Variants in CUX1 observed in about 807,000 individuals in gnomAD.
CUX1 encodes the protein protein CASP.
In CUX1, 31 loss-of-function variants were observed where a neutral mutation model predicts 158.8. That is an observed-to-expected ratio of 0.20 (90% confidence interval 0.15 to 0.26). CUX1 has a LOEUF of 0.26. CUX1 is among the 10% of genes least tolerant of loss of function. The pLI, the probability that CUX1 is intolerant of heterozygous loss-of-function variation, is 1.00. For missense variants in CUX1, 1,589 were observed against 2,014.6 expected, an observed-to-expected ratio of 0.79 and a Z score of 4.04; for synonymous variants, 879 against 862.1, an observed-to-expected ratio of 1.02 and a Z score of -0.34.
chr7:102,210,567 T>TA (rs1554522867), intron 20 of CUX1, among the ~76,000 whole-genome samples: 2 of 152,236 alleles, frequency 1.3e-5, no homozygotes, highest in East Asian at 3.8e-4. Flanking sequence ...AACAAGCTGT[T>TA]ACGTCTGCAT....
chr7:102,062,793 A>G (rs929568243), intron 3 of CUX1, among the ~76,000 whole-genome samples: 2 of 151,714 alleles, frequency 1.3e-5, no homozygotes, highest in Admixed American at 6.6e-5. Context: ...GAGCCACTGC[A>G]CTACACATTT....
At chr7:102,180,629 A>C (rs1166867555) in intron 11 of CUX1, among the ~76,000 whole-genome samples, 1 of 137,728 alleles carries the variant, frequency 7.3e-6, no homozygotes, top group Non-Finnish European at 1.6e-5. Flanking sequence ...ACCTGGCCCA[A>C]TGTCTTTTTT....
intron 12 of CUX1, among the ~76,000 whole-genome samples, chr7:102,193,073 A>G (rs1794447450): frequency 6.6e-6 from 1 of 152,176 alleles, no homozygotes; most frequent in African/African-American, 2.4e-5. Flanking sequence ...GGCTGCAGAG[A>G]AGGTCTGCCC....
intron 3 of CUX1, among the ~76,000 whole-genome samples, chr7:102,040,470 T>C (rs921463378): frequency 1.3e-5 from 2 of 152,146 alleles, no homozygotes; most frequent in Admixed American, 1.3e-4. Context: ...TTAAGTCTCT[T>C]TGTAGGGACC....
At position 101,997,501 on chromosome 7, in the gene CUX1, G is replaced by A. The variant is rs183880144; in HGVS notation, c.142-30597G>A. On this transcript the variant is annotated intron_variant, in intron 2 of 23. Transcript: ENST00000292535. ...TGGGATTACAGGTGCCCACCACCAC[G>A]CCTGGCTACTTTTTGTATTTTTAGT... is the stretch of plus-strand genomic sequence containing the variant. Among the ~76,000 whole-genome samples, 519 of 151,452 alleles carry A rather than the reference G, an allele frequency of 3.4e-3. 9 individuals carry two copies. Among genetic ancestry groups the A allele is most frequent in the African/African-American group, 0.012 (489 of 40,856 alleles).
intron 2 of CUX1, among the ~76,000 whole-genome samples, chr7:102,022,600 C>T (rs1290979425): frequency 7.2e-6 from 1 of 138,968 alleles, no homozygotes; most frequent in African/African-American, 2.7e-5. Context: ...CCTGGAAGAG[C>T]GAGACACTGT....
In CUX1 at chr7:102,196,621, C is replaced by T; in HGVS notation, c.1223-13C>T. 1 of 1,518,576 alleles carries T rather than the reference C, an allele frequency of 6.6e-7. No individual in the cohort carries two copies. Among genetic ancestry groups the T allele is most frequent in the Non-Finnish European group, 8.8e-7 (1 of 1,134,108 alleles). The allele number at this position is 1,518,576 out of a possible 1,614,324, so 94.1% of individuals were successfully genotyped here. A position where few individuals can be genotyped will look rare whatever the true frequency, so the allele number is the denominator to read the frequency against. On this transcript the variant is annotated splice_polypyrimidine_tract_variant and intron_variant, in intron 14 of 23. Transcript: ENST00000292535. ...AATCCCCCATAATGCATTCTGTTTG[C>T]CCTTCCTTGTAGGGTCAGCCAGGAG...
intron 9 of CUX1, among the ~76,000 whole-genome samples, chr7:102,169,289 G>C (rs559161628): frequency 2.0e-5 from 3 of 151,902 alleles, no homozygotes; most frequent in Non-Finnish European, 4.4e-5. Flanking sequence ...GGCTGGTCTC[G>C]AACCCCTGAC....
At chr7:101,854,116 T>C (rs768933250) in intron 1 of CUX1, among the ~76,000 whole-genome samples, 4 of 152,212 alleles carry the variant, frequency 2.6e-5, no homozygotes, top group Admixed American at 1.3e-4. Context: ...GGTGAGTTTA[T>C]ACCTTTCTGT....
chr7:102,271,038 G>A (rs1001533851), intron 14 of CUX1, among the ~76,000 whole-genome samples: 6 of 152,178 alleles, frequency 3.9e-5, no homozygotes, highest in African/African-American at 7.2e-5. Flanking sequence ...GTCACAGACT[G>A]GGGGCAGATA....
At chr7:101,832,278 A>T (rs764639644) in intron 1 of CUX1, among the ~76,000 whole-genome samples, 11 of 151,980 alleles carry the variant, frequency 7.2e-5, no homozygotes, top group Non-Finnish European at 1.3e-4. Flanking sequence ...GATGGGAGAG[A>T]TGGGGCTGGG....
chr7:102,188,905 C>G (rs1234831204), intron 11 of CUX1: 3 of 152,094 alleles, frequency 2.0e-5, no homozygotes, highest in Admixed American at 2.0e-4. Context: ...TTTCTGGAGC[C>G]CACTGGAGCG....
chr7:101,866,980 G>A lies in CUX1; in HGVS notation c.31-49135G>A, dbSNP rs185790748. On this transcript the variant is annotated intron_variant, in intron 1 of 23. Coordinates refer to ENST00000292535, the MANE Select transcript of CUX1 (RefSeq NM_181552.4). ...TCACGCCTGTAATCCCTGCGCTTTG[G>A]GAGGCCAAGGTGGGTGGATCACTTG... Among the ~76,000 whole-genome samples the A allele has an allele frequency of 3.2e-3, 495 of 152,320 alleles. 5 individuals carry two copies. Among genetic ancestry groups the A allele is most frequent in the Non-Finnish European group, 4.6e-3 (316 of 68,020 alleles).
intron 7 of CUX1, among the ~76,000 whole-genome samples, chr7:102,112,189 A>G (rs1356028910): frequency 6.6e-6 from 1 of 151,250 alleles, no homozygotes; most frequent in East Asian, 1.9e-4. Flanking sequence ...AAAAGCCACC[A>G]AAAAAGGTTA....
At chr7:102,216,619 CCA>C (rs138340390) in intron 20 of CUX1, among the ~76,000 whole-genome samples, 26 of 73,982 alleles carry the variant, frequency 3.5e-4, no homozygotes, top group African/African-American at 4.8e-4. Context: ...CACACACTCC[CCA>C]CACACACACC....
chr7:102,003,318 A>G (rs1816926763), intron 2 of CUX1, among the ~76,000 whole-genome samples: 2 of 150,980 alleles, frequency 1.3e-5, no homozygotes, highest in African/African-American at 4.9e-5. Context: ...ACACACACAC[A>G]CACACACACA....
intron 8 of CUX1, among the ~76,000 whole-genome samples, chr7:102,149,356 A>G (rs1554502931): frequency 1.3e-5 from 2 of 152,048 alleles, no homozygotes; most frequent in African/African-American, 2.4e-5. Flanking sequence ...GGTGGCTGCC[A>G]TTTCCTTCCG....
At chr7:102,216,669 TCA>T (rs1158278343) in intron 20 of CUX1, among the ~76,000 whole-genome samples, 393 of 15,828 alleles carry the variant, frequency 0.025, 5 homozygotes, top group African/African-American at 0.035. Context: ...CCACACACAC[TCA>T]CACACACACA....
At chr7:101,931,027 C>T (rs568278602) in intron 2 of CUX1, among the ~76,000 whole-genome samples, 1 of 152,118 alleles carries the variant, frequency 6.6e-6, no homozygotes, top group Non-Finnish European at 1.5e-5. Flanking sequence ...ACCTGGGAGG[C>T]GGAGATTGCA....
Sources: allele counts gnomAD v4.1 joint callset (sites outside exome capture counted in the v4.1 genomes callset), GRCh38; gene constraint gnomAD v4.1.1; transcripts MANE v1.5; gene names NCBI Gene and HGNC (gene_info 2026-07-23, HGNC 2026-07-21).